Variants in RAB36 observed in about 807,000 individuals in gnomAD.
RAB36 encodes the protein RAB36, member RAS oncogene family.
Under a neutral mutation model 39.3 loss-of-function variants are expected in RAB36, and 33 were observed. That is an observed-to-expected ratio of 0.84 (90% confidence interval 0.64 to 1.12). The LOEUF (loss-of-function observed/expected upper bound fraction) is 1.12. Among genes scored for constraint, RAB36 ranks in the 50% most tolerant of loss-of-function variants. The pLI, the probability that RAB36 is intolerant of heterozygous loss-of-function variation, is 0.00. For missense variants in RAB36, 308 were observed against 355.3 expected, an observed-to-expected ratio of 0.87 and a Z score of 1.07; for synonymous variants, 133 against 140.2, an observed-to-expected ratio of 0.95 and a Z score of 0.36.
intron 1 of RAB36, chr22:23,145,996 T>G: frequency 1.0e-6 from 1 of 985,328 alleles, no homozygotes; most frequent in Non-Finnish European, 1.2e-6. Flanking sequence ...CTACTTCCAC[T>G]GCCTGAGCTG....
In RAB36 at chr22:23,164,088, C is replaced by T. The variant is rs368832307; in HGVS notation, c.*2524C>T. The T allele has an allele frequency of 6.6e-6, 1 of 152,284 alleles. No homozygotes were observed. The highest frequency in any genetic ancestry group is 1.5e-5 in the Non-Finnish European group (1 of 68,084). 9.4% of individuals were successfully genotyped at this position (152,284 alleles called of 1,614,324 possible). ...CCCAGCCTGGTCCACTAAATGCAGC[C>T]TGTGGTCGGGCAGACAGCATTGGGG... is the stretch of plus-strand genomic sequence containing the variant. On this transcript the variant is annotated 3_prime_UTR_variant, in exon 11 of 11. Coordinates refer to ENST00000263116, the MANE Select transcript of RAB36 (RefSeq NM_004914.5).
At chr22:23,166,897 A>G (rs1481589993), downstream of RAB36, among the ~76,000 whole-genome samples, 2 of 152,102 alleles carry the variant, frequency 1.3e-5, no homozygotes, top group Non-Finnish European at 2.9e-5. Flanking sequence ...CTGGGGGAGT[A>G]GCAAGAGGCC....
chr22:23,169,165 C>T (rs1397017158), downstream of RAB36, among the ~76,000 whole-genome samples: 1 of 152,226 alleles, frequency 6.6e-6, no homozygotes, highest in Non-Finnish European at 1.5e-5. Context: ...CCCAGTCACT[C>T]GGAACCTGGG....
chr22:23,149,734 G>A (rs2070994708), intron 2 of RAB36, among the ~76,000 whole-genome samples: 1 of 152,148 alleles, frequency 6.6e-6, no homozygotes, highest in African/African-American at 2.4e-5. Flanking sequence ...GGCACCAAAA[G>A]AGCTCCACTC....
In RAB36 at chr22:23,153,018, C is replaced by G; in HGVS notation, c.228-15C>G. 1 of 1,597,556 alleles carries G rather than the reference C, an allele frequency of 6.3e-7. No homozygotes were observed. The highest frequency in any genetic ancestry group is 8.6e-7 in the Non-Finnish European group (1 of 1,165,028). On this transcript the variant is annotated splice_polypyrimidine_tract_variant and intron_variant, in intron 4 of 10. Coordinates refer to ENST00000263116, the MANE Select transcript of RAB36 (RefSeq NM_004914.5). ...TGTGAGTACACCCCTGTGACGACTT[C>G]CTCATCCCCCACAGGTTTTGCAAGA...
In RAB36 at chr22:23,162,483, T is replaced by C; in HGVS notation, c.*919T>C. ...ATTGGCCTATACATCTCTTAGGACCTTTGTAATGGTGTCCATGCACCTTTA... is the reference window on the plus strand; with the variant it reads ...ATTGGCCTATACATCTCTTAGGACCCTTGTAATGGTGTCCATGCACCTTTA... On this transcript the variant is annotated 3_prime_UTR_variant, in exon 11 of 11. Coordinates refer to ENST00000263116, the MANE Select transcript of RAB36 (RefSeq NM_004914.5). 1 of 384,740 alleles carries C rather than the reference T, an allele frequency of 2.6e-6. No individual in the cohort carries two copies. The highest frequency in any genetic ancestry group is 5.3e-6 in the Non-Finnish European group (1 of 187,690). The allele number at this position is 384,740 out of a possible 1,614,324, so 23.8% of individuals were successfully genotyped here.
At chr22:23,161,270 C>T (rs2071776737) in intron 10 of RAB36, among the ~76,000 whole-genome samples, 1 of 152,154 alleles carries the variant, frequency 6.6e-6, no homozygotes. Context: ...GGCTGGGCGT[C>T]CCAGGCTCTG....
At chr22:23,151,880 C>T (rs916050444) in intron 3 of RAB36, among the ~76,000 whole-genome samples, 1 of 152,186 alleles carries the variant, frequency 6.6e-6, no homozygotes, top group African/African-American at 2.4e-5. Flanking sequence ...AGAGCCTCAG[C>T]CCTGTTCGGG....
chr22:23,148,291 G>C (rs1464459501), intron 2 of RAB36, among the ~76,000 whole-genome samples: 1 of 152,214 alleles, frequency 6.6e-6, no homozygotes, highest in African/African-American at 2.4e-5. Context: ...TCTCTCTGCA[G>C]AGCTTGACAG....
chr22:23,150,961 G>C (rs201326878), intron 3 of RAB36, among the ~76,000 whole-genome samples: 3 of 152,320 alleles, frequency 2.0e-5, no homozygotes, highest in African/African-American at 7.2e-5. Context: ...TTCCTGCCGC[G>C]GCAGCTCCTG....
chr22:23,166,140 TGTC>T (rs2072045962), downstream of RAB36, among the ~76,000 whole-genome samples: 3 of 102,104 alleles, frequency 2.9e-5, no homozygotes, highest in Non-Finnish European at 5.4e-5. Flanking sequence ...AGTGAGACTC[TGTC>T]TTTTAAAAAA....
chr22:23,152,262 C>T (rs2071189281), intron 3 of RAB36, among the ~76,000 whole-genome samples, 199 bp from the exon 4 acceptor site: 1 of 152,156 alleles, frequency 6.6e-6, no homozygotes, highest in Non-Finnish European at 1.5e-5. Flanking sequence ...GCTCTAGGGG[C>T]AGCAGAGTCT....
In RAB36 at chr22:23,151,241, G is replaced by T. The variant is rs577744627; in HGVS notation, c.161+1087G>T. On this transcript the variant is annotated intron_variant, in intron 3 of 10. Coordinates refer to ENST00000263116, the MANE Select transcript of RAB36 (RefSeq NM_004914.5). ...GTAATGGCATCTGTTGGGGAATGCTGGTGCCATATCAGGTGCTTCACACAG... is the reference window on the plus strand; with the variant it reads ...GTAATGGCATCTGTTGGGGAATGCTTGTGCCATATCAGGTGCTTCACACAG... Among the ~76,000 whole-genome samples, 4 of 152,336 alleles carry T rather than the reference G, an allele frequency of 2.6e-5. No homozygotes were observed. The East Asian group carries it at 7.7e-4, about 29-fold the overall frequency.
chr22:23,145,476 C>G, upstream of RAB36: 1 of 1,609,452 alleles, frequency 6.2e-7, no homozygotes, highest in South Asian at 1.1e-5. Context: ...GCGTGGCTCT[C>G]GTTGCCATGG....
rs1189267875 is a variant in RAB36 at position 23,162,850 on chromosome 22, C to G, written c.*1286C>G. 2.4e-6 allele frequency: 1 copy of G among 418,534 alleles called. No individual in the cohort carries two copies. Among genetic ancestry groups the G allele is most frequent in the Non-Finnish European group, 5.0e-6 (1 of 201,716 alleles). 25.9% of individuals were successfully genotyped at this position (418,534 alleles called of 1,614,324 possible). On this transcript the variant is annotated 3_prime_UTR_variant, in exon 11 of 11. Transcript: ENST00000263116. ...TTGCCAAATACCAGTTAGGGAAGAACACTGGCATCTTTTTCTATTCATTCC... is the reference window on the plus strand; with the variant it reads ...TTGCCAAATACCAGTTAGGGAAGAAGACTGGCATCTTTTTCTATTCATTCC...
chr22:23,151,899 C>G (rs1032197083), intron 3 of RAB36, among the ~76,000 whole-genome samples: 2 of 152,200 alleles, frequency 1.3e-5, no homozygotes, highest in Non-Finnish European at 2.9e-5. Context: ...GGGTGTGCCC[C>G]TTGGCCTGTC....
intron 4 of RAB36, 28 bp from the exon 5 acceptor site, chr22:23,153,005 C>T (rs2071248176): frequency 1.3e-6 from 2 of 1,523,910 alleles, no homozygotes; most frequent in Non-Finnish European, 1.8e-6. Context: ...TGAGTACACC[C>T]CTGTGACGAC....
chr22:23,153,466 CCAGGCCAGCAGGGTGGCCTCCCG>C (rs1010979511), intron 5 of RAB36: 56 of 628,884 alleles, frequency 8.9e-5, no homozygotes, highest in Non-Finnish European at 4.8e-5. Flanking sequence ...ATCCCACTCA[CCAGGCCAGCAGGGTGGCCTCCCG>C]CAGGTTGCTG....
At chr22:23,153,396 G>T in intron 5 of RAB36, 1 of 220,506 alleles carries the variant, frequency 4.5e-6, no homozygotes. Context: ...CCTCCCCAAT[G>T]CCCACCCCAC....
Sources: allele counts gnomAD v4.1 joint callset (sites outside exome capture counted in the v4.1 genomes callset), GRCh38; gene constraint gnomAD v4.1.1; transcripts MANE v1.5; gene names NCBI Gene and HGNC (gene_info 2026-07-23, HGNC 2026-07-21).